Variants in CSMD2 observed in about 807,000 individuals in gnomAD.
CSMD2 encodes CUB and sushi domain-containing protein 2.
In CSMD2, 130 loss-of-function variants were observed where a neutral mutation model predicts 398.5. The ratio of observed to expected loss-of-function variants is 0.33; its 90% CI spans 0.28 to 0.38. The LOEUF is 0.38. Among genes scored for constraint, CSMD2 ranks in the 10% least tolerant of loss-of-function variants. CSMD2 has a pLI of 1.00. For missense variants in CSMD2, 3,829 were observed against 4,764.9 expected, an observed-to-expected ratio of 0.80 and a Z score of 5.78; for synonymous variants, 1,828 against 1,908.5, an observed-to-expected ratio of 0.96 and a Z score of 1.10.
At chr1:33,681,088 C>T (rs954160461) in intron 25 of CSMD2, among the ~76,000 whole-genome samples, 1 of 151,816 alleles carries the variant, frequency 6.6e-6, no homozygotes, top group Non-Finnish European at 1.5e-5. Context: ...CCATGCCTGG[C>T]TAATTTTTCT....
intron 3 of CSMD2, among the ~76,000 whole-genome samples, chr1:34,016,013 CTG>C (rs72213161): frequency 0.06 from 8,868 of 148,880 alleles, 380 homozygotes; most frequent in East Asian, 0.25. Context: ...ACTCCTTGCT[CTG>C]TGTGTGTGTG....
At chr1:33,567,963 G>A (rs1435334971) in intron 52 of CSMD2, 122 bp from the exon 53 acceptor site, 3 of 1,228,018 alleles carry the variant, frequency 2.4e-6, no homozygotes, top group East Asian at 5.1e-5. Context: ...CAAAAATAGT[G>A]TTGAGGACTT....
At chr1:33,654,300 A>T (rs1311029529) in intron 27 of CSMD2, among the ~76,000 whole-genome samples, 1 of 152,214 alleles carries the variant, frequency 6.6e-6, no homozygotes, top group Non-Finnish European at 1.5e-5. Flanking sequence ...TGATTTATAA[A>T]GGAGGAAAGT....
intron 56 of CSMD2, among the ~76,000 whole-genome samples, chr1:33,547,979 C>A (rs905961201): frequency 6.6e-6 from 1 of 152,162 alleles, no homozygotes; most frequent in African/African-American, 2.4e-5. Flanking sequence ...TGGATTTCCC[C>A]CTTGCTGTTC....
intron 49 of CSMD2, 145 bp downstream of exon 49, chr1:33,577,151 C>G (rs561554351): frequency 6.6e-6 from 5 of 759,812 alleles, no homozygotes; most frequent in Middle Eastern, 3.9e-4. Flanking sequence ...TTGCTACGCA[C>G]TACAGATCTT....
At chr1:33,800,590 A>G (rs1655474612) in intron 10 of CSMD2, among the ~76,000 whole-genome samples, 1 of 152,192 alleles carries the variant, frequency 6.6e-6, no homozygotes, top group Non-Finnish European at 1.5e-5. Context: ...CTAAGTTTCT[A>G]GAAAGCTTCA....
At chr1:33,902,833 C>T (rs555319199) in intron 5 of CSMD2, among the ~76,000 whole-genome samples, 71 of 152,284 alleles carry the variant, frequency 4.7e-4, no homozygotes, top group African/African-American at 1.7e-3. Context: ...GTTCATCACC[C>T]TCTGATTGCC....
intron 6 of CSMD2, among the ~76,000 whole-genome samples, chr1:33,829,627 A>T (rs1434797600): frequency 1.3e-5 from 2 of 152,194 alleles, no homozygotes; most frequent in Admixed American, 6.5e-5. Context: ...TACTGGGTTC[A>T]TCTCACTAGG....
At chr1:33,962,613 G>GT (rs1553265019) in intron 3 of CSMD2, among the ~76,000 whole-genome samples, 1 of 152,140 alleles carries the variant, frequency 6.6e-6, no homozygotes. Context: ...GGCCTGCAGG[G>GT]CCCCAGGTGA....
intron 3 of CSMD2, among the ~76,000 whole-genome samples, chr1:33,999,552 C>T (rs751642594): frequency 9.9e-5 from 15 of 151,456 alleles, no homozygotes; most frequent in Non-Finnish European, 1.8e-4. Context: ...TGCACCACCT[C>T]ACCCAGCTAA....
chr1:33,887,371 T>C (rs1641671016), intron 5 of CSMD2, among the ~76,000 whole-genome samples: 1 of 152,162 alleles, frequency 6.6e-6, no homozygotes. Context: ...ATCCACTTAA[T>C]GAATATTTTG....
chr1:33,860,101 C>G (rs1558014643), intron 5 of CSMD2, among the ~76,000 whole-genome samples: 1 of 152,160 alleles, frequency 6.6e-6, no homozygotes, highest in Non-Finnish European at 1.5e-5. Context: ...TGGTACAGTA[C>G]TATTAACTAA....
In CSMD2 at chr1:33,548,647, A is replaced by G. The variant is rs555465003; in HGVS notation, c.8917+1530T>C. 2.6e-5 allele frequency among the ~76,000 whole-genome samples: 4 copies of G among 152,290 alleles called. No individual in the cohort carries two copies. The South Asian group carries it at 8.3e-4, about 32-fold the overall frequency. On this transcript the variant is annotated intron_variant, in intron 56 of 70. Coordinates refer to ENST00000373381, the MANE Select transcript of CSMD2 (RefSeq NM_001281956.2). ...TTTCAGGAAGGGAGGAACTATCTCTATATCTGTGGTATATACCTAATGTTA... is the reference window on the plus strand; with the variant it reads ...TTTCAGGAAGGGAGGAACTATCTCTGTATCTGTGGTATATACCTAATGTTA...
At chr1:33,618,877 G>T (rs899850713) in intron 37 of CSMD2, among the ~76,000 whole-genome samples, 2 of 151,994 alleles carry the variant, frequency 1.3e-5, no homozygotes, top group Non-Finnish European at 2.9e-5. Flanking sequence ...CCAAGCAGAA[G>T]CCAAGCCCTG....
At chr1:34,031,588 A>G (rs905547932) in intron 3 of CSMD2, among the ~76,000 whole-genome samples, 12 of 151,918 alleles carry the variant, frequency 7.9e-5, no homozygotes, top group Admixed American at 3.3e-4. Context: ...AAAGCATCAA[A>G]CCATCTCCCC....
At chr1:34,107,015 A>G (rs1660590829) in intron 1 of CSMD2, among the ~76,000 whole-genome samples, 1 of 152,188 alleles carries the variant, frequency 6.6e-6, no homozygotes, top group Admixed American at 6.5e-5. Context: ...CTGGACTAGC[A>G]GAAGCATCTC....
chr1:33,795,248 G>C (rs1001912871), intron 10 of CSMD2, among the ~76,000 whole-genome samples: 1 of 152,186 alleles, frequency 6.6e-6, no homozygotes, highest in Non-Finnish European at 1.5e-5. Context: ...AGTTATTAAA[G>C]AGGAGATGGG....
chr1:33,725,452 C>T lies in CSMD2; in HGVS notation c.2592G>A (p.Gly864=), dbSNP rs771152316. 1.9e-6 allele frequency: 3 copies of T among 1,614,162 alleles called. No homozygotes were observed. The highest frequency in any genetic ancestry group is 3.3e-5 in the Admixed American group (2 of 60,020). Residue 864 remains glycine, a synonymous_variant, in exon 17 of 71, where the codon GGG becomes GGA. Coordinates refer to ENST00000373381, the MANE Select transcript of CSMD2 (RefSeq NM_001281956.2). ...TGATGAGGAACTGGGGAACCTGGGT[C>T]CCGTGGTAAACCCCGATCAAGGGCG... ...YSAPLIGVYH[G]TQVPQFLIST...
intron 2 of CSMD2, among the ~76,000 whole-genome samples, chr1:34,076,732 A>G (rs1270616986): frequency 6.6e-6 from 1 of 151,580 alleles, no homozygotes; most frequent in African/African-American, 2.4e-5. Context: ...TTTAATCTTG[A>G]TCAACTAACC....
Sources: gnomAD v4.1 joint callset for allele counts (sites outside exome capture counted in the v4.1 genomes callset) on GRCh38, gnomAD v4.1.1 for gene constraint, MANE v1.5 for transcripts, NCBI Gene and HGNC (gene_info 2026-07-23, HGNC 2026-07-21) for gene names.